The following RORA variants were observed in gnomAD, a reference collection of about 807,000 sequenced individuals.
RORA encodes the protein nuclear receptor ROR-alpha.
A neutral mutation model predicts 69.5 loss-of-function variants in RORA; 7 were observed. The observed-to-expected ratio is 0.10, with a 90% CI of 0.06 to 0.19. RORA has a LOEUF of 0.19. Among genes scored for constraint, RORA ranks in the 10% least tolerant of loss-of-function variants. The pLI is 1.00. For missense variants in RORA, 457 were observed against 663.0 expected (o/e 0.69, Z 3.41); for synonymous variants, 261 against 240.8 (o/e 1.08, Z -0.78).
intron 2 of RORA, chr15:60,677,249 G>A (rs1387581075): frequency 2.2e-6 from 1 of 454,944 alleles, no homozygotes; most frequent in Admixed American, 2.3e-5. Flanking sequence ...ATATACAGAG[G>A]ACTTCAGTCT....
In RORA at chr15:60,502,752, C is replaced by A. The variant is rs1452394787; in HGVS notation, c.1183+8G>T. 6.4e-7 allele frequency: 1 copy of A among 1,556,566 alleles called. No individual in the cohort carries two copies. The highest frequency in any genetic ancestry group is 8.9e-7 in the Non-Finnish European group (1 of 1,127,520). On this transcript the variant is annotated splice_region_variant and intron_variant, in intron 8 of 10. Coordinates refer to ENST00000335670, the MANE Select transcript of RORA (RefSeq NM_134261.3). The stretch of plus-strand genomic sequence containing the variant: ...ATTTGAAGAAAAGGCACCTTGATAT[C>A]CCCTTACCTAAGGATTTGAAGACGT...
chr15:60,721,488 T>C (rs543332951), intron 1 of RORA, among the ~76,000 whole-genome samples: 2 of 152,374 alleles, frequency 1.3e-5, no homozygotes, highest in East Asian at 3.9e-4. Context: ...TTTAAGTATA[T>C]ATTTATTTAC....
At chr15:60,952,336 A>G (rs1302010136) in intron 1 of RORA, among the ~76,000 whole-genome samples, 18 of 152,198 alleles carry the variant, frequency 1.2e-4, no homozygotes, top group Admixed American at 7.2e-4. Flanking sequence ...CCAATATCAT[A>G]CTGAATGGGC....
chr15:60,576,993 T>C (rs2068044733), intron 2 of RORA, among the ~76,000 whole-genome samples: 2 of 152,208 alleles, frequency 1.3e-5, no homozygotes, highest in Admixed American at 1.3e-4. Context: ...AAAGATAAAC[T>C]GTAAAGCCTC....
chr15:60,694,028 G>A (rs761496840), intron 1 of RORA, among the ~76,000 whole-genome samples: 48 of 152,094 alleles, frequency 3.2e-4, no homozygotes, highest in Admixed American at 4.6e-4. Flanking sequence ...GAGGCATCAC[G>A]CTGCTTGACT....
chr15:60,594,449 G>A (rs1009290942), intron 2 of RORA, among the ~76,000 whole-genome samples: 4 of 152,174 alleles, frequency 2.6e-5, no homozygotes, highest in Non-Finnish European at 5.9e-5. Context: ...CTGCATCCTC[G>A]GAAGTATGTT....
chr15:60,646,287 T>A (rs907718138), intron 2 of RORA, among the ~76,000 whole-genome samples: 1 of 152,246 alleles, frequency 6.6e-6, no homozygotes, highest in African/African-American at 2.4e-5. Context: ...TCTTAATTCA[T>A]CTTTTCAGAT....
At chr15:60,931,646 C>G (rs752467887) in intron 1 of RORA, among the ~76,000 whole-genome samples, 3 of 152,250 alleles carry the variant, frequency 2.0e-5, no homozygotes, top group Non-Finnish European at 2.9e-5. Context: ...GCTGCCTCTT[C>G]TGGCACACAC....
At chr15:60,601,439 T>A (rs1466024610) in intron 2 of RORA, among the ~76,000 whole-genome samples, 1 of 152,216 alleles carries the variant, frequency 6.6e-6, no homozygotes, top group African/African-American at 2.4e-5. Flanking sequence ...ATTTTGTATT[T>A]CGGAATAATC....
chr15:60,563,509 A>G (rs2067636016), intron 2 of RORA, among the ~76,000 whole-genome samples: 1 of 152,224 alleles, frequency 6.6e-6, no homozygotes, highest in African/African-American at 2.4e-5. Context: ...TTAGTCATCA[A>G]GAACACTTAC....
At chr15:61,083,034 G>C (rs1405863105) in intron 1 of RORA, among the ~76,000 whole-genome samples, 4 of 152,020 alleles carry the variant, frequency 2.6e-5, no homozygotes, top group Admixed American at 2.6e-4. Flanking sequence ...CTTCCTTTTC[G>C]CCTTTCCACA....
chr15:61,001,805 GGGT>G (rs1363920272), intron 1 of RORA, among the ~76,000 whole-genome samples: 1 of 152,210 alleles, frequency 6.6e-6, no homozygotes, highest in Non-Finnish European at 1.5e-5. Flanking sequence ...AGTGACTGAG[GGGT>G]TACTTCTATG....
At chr15:60,513,497 A>G (rs961668541) in intron 4 of RORA, among the ~76,000 whole-genome samples, 6 of 152,232 alleles carry the variant, frequency 3.9e-5, no homozygotes, top group African/African-American at 1.2e-4. Context: ...AAATAAAGGG[A>G]CCAGCTCTTG....
intron 1 of RORA, among the ~76,000 whole-genome samples, chr15:61,031,628 C>A (rs889666203): frequency 6.6e-6 from 1 of 152,058 alleles, no homozygotes; most frequent in Non-Finnish European, 1.5e-5. Flanking sequence ...TAGAGGTATG[C>A]CAGATGTACT....
At chr15:61,080,109 G>A (rs894508554) in intron 1 of RORA, among the ~76,000 whole-genome samples, 1 of 152,202 alleles carries the variant, frequency 6.6e-6, no homozygotes, top group Non-Finnish European at 1.5e-5. Context: ...AGCTCAGGAA[G>A]CTGTTGAGTT....
intron 1 of RORA, among the ~76,000 whole-genome samples, chr15:60,837,051 T>TC (rs1423108989): frequency 3.5e-4 from 53 of 151,772 alleles, no homozygotes; most frequent in African/African-American, 1.1e-3. Flanking sequence ...TTTTTTTTTT[T>TC]TGTAGATATG....
chr15:60,764,040 C>G (rs2071941502), intron 1 of RORA: 1 of 152,106 alleles, frequency 6.6e-6, no homozygotes, highest in East Asian at 1.9e-4. Flanking sequence ...TTCCTGCTGC[C>G]TGTGGCAATA....
At chr15:61,161,857 A>G (rs959670812) in intron 1 of RORA, among the ~76,000 whole-genome samples, 4 of 152,180 alleles carry the variant, frequency 2.6e-5, no homozygotes, top group Non-Finnish European at 5.9e-5. Flanking sequence ...TAAAAATACA[A>G]TGATATACTG....
intron 1 of RORA, among the ~76,000 whole-genome samples, chr15:61,101,567 C>T (rs1250766228): frequency 6.6e-6 from 1 of 152,032 alleles, no homozygotes; most frequent in Admixed American, 6.6e-5. Flanking sequence ...TCTCTAAAAT[C>T]GAATCTCCCC....
Sources: gnomAD v4.1 joint callset for allele counts (sites outside exome capture counted in the v4.1 genomes callset) on GRCh38, gnomAD v4.1.1 for gene constraint, MANE v1.5 for transcripts, NCBI Gene and HGNC (gene_info 2026-07-23, HGNC 2026-07-21) for gene names.